ST3GAL3: variants seen among roughly 807,000 people sequenced by gnomAD.
The protein encoded by ST3GAL3 is ST3 beta-galactoside alpha-2,3-sialyltransferase 3.
A neutral mutation model predicts 50.1 loss-of-function variants in ST3GAL3; 21 were observed. That is an observed-to-expected ratio of 0.42 (90% confidence interval 0.30 to 0.60). ST3GAL3 has a LOEUF of 0.60. ST3GAL3 is among the 20% of genes least tolerant of loss of function. ST3GAL3 has a pLI of 0.19. For missense variants in ST3GAL3, 353 were observed against 489.4 expected (o/e 0.72, Z 2.63); for synonymous variants, 183 against 190.0 (o/e 0.96, Z 0.30).
chr1:43,892,658 A>AG (rs1280801420), intron 5 of ST3GAL3, among the ~76,000 whole-genome samples: 1 of 152,202 alleles, frequency 6.6e-6, no homozygotes, highest in African/African-American at 2.4e-5. Context: ...GCAGAGGAAA[A>AG]GGGAAAAAAA....
chr1:43,764,675 C>A (rs1691882586), intron 2 of ST3GAL3, among the ~76,000 whole-genome samples: 1 of 152,240 alleles, frequency 6.6e-6, no homozygotes, highest in Admixed American at 6.5e-5. Context: ...CTCAGATAAT[C>A]CATGTTTTCT....
Position 43,873,535 on chromosome 1 carries a change from A to G in ST3GAL3, c.303-20848A>G, listed in dbSNP as rs989640669. Among the ~76,000 whole-genome samples, 6 of 152,298 alleles carry G rather than the reference A, an allele frequency of 3.9e-5. No individual in the cohort carries two copies. The Middle Eastern group carries it at 0.01, about 259-fold the overall frequency. On this transcript the variant is annotated intron_variant, in intron 5 of 11. Transcript: ENST00000347631. Reference sequence around the variant, plus strand: ...TGTGGTGGTTCACACCTGTAATCCCAGCACTTTGGGAGGCTAAGGTGGGCA... The same window carrying G: ...TGTGGTGGTTCACACCTGTAATCCCGGCACTTTGGGAGGCTAAGGTGGGCA...
intron 9 of ST3GAL3, chr1:43,913,834 G>A (rs2081342987): frequency 3.3e-5 from 5 of 152,256 alleles, no homozygotes. Flanking sequence ...TGCTGGCCGA[G>A]TAAGAACCGA....
intron 11 of ST3GAL3, 134 bp downstream of exon 11, chr1:43,921,062 A>G (rs2082947270): frequency 2.8e-6 from 3 of 1,066,002 alleles, no homozygotes. Context: ...CAAGCATCCT[A>G]CGTGCCCTCT....
chr1:43,801,610 G>A (rs759076577), intron 3 of ST3GAL3: 2 of 253,082 alleles, frequency 7.9e-6, no homozygotes, highest in South Asian at 4.9e-5. Flanking sequence ...TGTCTACATA[G>A]GGCATTGTGA....
intron 4 of ST3GAL3, among the ~76,000 whole-genome samples, chr1:43,835,913 C>T (rs1446787384): frequency 6.6e-6 from 1 of 152,208 alleles, no homozygotes; most frequent in Admixed American, 6.5e-5. Flanking sequence ...ACTGTCTTCT[C>T]CACCCCGTGT....
At chr1:43,917,445 TATATAATATATAATATATATA>T (rs1435743657) in intron 9 of ST3GAL3, among the ~76,000 whole-genome samples, 5 of 24,934 alleles carry the variant, frequency 2.0e-4, no homozygotes, top group Non-Finnish European at 1.1e-3. Context: ...GCATATATAA[TATATAATATATAATATATATA>T]ATATATAATA....
At chr1:43,713,980 C>A (rs1033023426) in intron 1 of ST3GAL3, among the ~76,000 whole-genome samples, 1 of 152,086 alleles carries the variant, frequency 6.6e-6, no homozygotes, top group Non-Finnish European at 1.5e-5. Flanking sequence ...GAATGCCATA[C>A]GGGCCGGGTG....
In ST3GAL3 at chr1:43,710,815, A is replaced by G. The variant is rs570249875; in HGVS notation, c.-31+3122A>G. Among the ~76,000 whole-genome samples the G allele has an allele frequency of 3.3e-5, 5 of 152,250 alleles. No homozygotes were observed. The South Asian group carries it at 1.0e-3, about 32-fold the overall frequency. Reference sequence around the variant, plus strand: ...ATCTGTACTTTTTCTTCCCATCTAGATGAGCTGTCTCTCTTCTTTAAGTTT... The same window carrying G: ...ATCTGTACTTTTTCTTCCCATCTAGGTGAGCTGTCTCTCTTCTTTAAGTTT... On this transcript the variant is annotated intron_variant, in intron 1 of 11. Transcript: ENST00000347631.
At chr1:43,921,499 C>T in intron 11 of ST3GAL3, 1 of 401,394 alleles carries the variant, frequency 2.5e-6, no homozygotes, top group East Asian at 3.6e-5. Context: ...CACACTTCTG[C>T]TTTGACCACC....
intron 1 of ST3GAL3, among the ~76,000 whole-genome samples, chr1:43,711,090 A>G (rs1413089534): frequency 6.6e-6 from 1 of 152,224 alleles, no homozygotes; most frequent in African/African-American, 2.4e-5. Context: ...TGTTTATGTG[A>G]GAGAATCCCT....
At chr1:43,898,371 C>G in intron 7 of ST3GAL3, 73 bp downstream of exon 7, 14 of 1,517,830 alleles carry the variant, frequency 9.2e-6, no homozygotes, top group Non-Finnish European at 1.3e-5. Context: ...GCCCAGCTGG[C>G]CTTCCCTGGA....
intron 9 of ST3GAL3, chr1:43,914,759 C>G (rs755528702): frequency 3.9e-5 from 6 of 152,602 alleles, no homozygotes; most frequent in Middle Eastern, 6.8e-3. Context: ...CAGGCACAGG[C>G]AGGAACCCCA....
At chr1:43,808,691 C>T (rs1255239565) in intron 3 of ST3GAL3, among the ~76,000 whole-genome samples, 11 of 152,126 alleles carry the variant, frequency 7.2e-5, no homozygotes, top group Admixed American at 7.2e-4. Context: ...CTAGAATTCA[C>T]AGATCATCAG....
chr1:43,805,941 G>T (rs932309366), intron 3 of ST3GAL3, among the ~76,000 whole-genome samples: 2 of 152,094 alleles, frequency 1.3e-5, no homozygotes, highest in African/African-American at 4.8e-5. Flanking sequence ...TCACCGTGTT[G>T]GTCAGGCTGG....
chr1:43,719,576 A>T lies in ST3GAL3; in HGVS notation c.-31+11883A>T, dbSNP rs553177381. Among the ~76,000 whole-genome samples, 38 of 152,030 alleles carry T rather than the reference A, an allele frequency of 2.5e-4. 1 individual carries two copies. Among genetic ancestry groups the T allele is most frequent in the African/African-American group, 8.7e-4 (36 of 41,442 alleles). On this transcript the variant is annotated intron_variant, in intron 1 of 11. Transcript: ENST00000347631. ...GCTACATGGGAGGCCGAGGCACGAGAATTGCTTGAACCTGGGAGGCTGAGG... is the reference window on the plus strand; with the variant it reads ...GCTACATGGGAGGCCGAGGCACGAGTATTGCTTGAACCTGGGAGGCTGAGG...
chr1:43,892,563 T>C (rs1291172849), intron 5 of ST3GAL3, among the ~76,000 whole-genome samples: 1 of 152,180 alleles, frequency 6.6e-6, no homozygotes, highest in Non-Finnish European at 1.5e-5. Context: ...TTTTCCAAAA[T>C]TAACACGATA....
At chr1:43,877,166 A>T (rs992832101) in intron 5 of ST3GAL3, among the ~76,000 whole-genome samples, 8 of 152,194 alleles carry the variant, frequency 5.3e-5, no homozygotes, top group South Asian at 2.1e-4. Context: ...AAAGTCAGGA[A>T]CAATGTTTGA....
chr1:43,759,723 A>G (rs1460226868), intron 2 of ST3GAL3, among the ~76,000 whole-genome samples: 1 of 152,252 alleles, frequency 6.6e-6, no homozygotes, highest in East Asian at 1.9e-4. Context: ...TCAAATCAGT[A>G]GCACTAAACT....
Sources: gnomAD v4.1 joint callset for allele counts (sites outside exome capture counted in the v4.1 genomes callset) on GRCh38, gnomAD v4.1.1 for gene constraint, MANE v1.5 for transcripts, NCBI Gene and HGNC (gene_info 2026-07-23, HGNC 2026-07-21) for gene names.